The following DCC variants were observed in gnomAD, a reference collection of about 807,000 sequenced individuals.
DCC encodes netrin receptor DCC.
DCC carries 58 observed loss-of-function variants against 172.5 expected under a neutral mutation model. The observed-to-expected ratio is 0.34, with a 90% CI of 0.27 to 0.42. The LOEUF (loss-of-function observed/expected upper bound fraction) is 0.42. DCC is among the 10% of genes least tolerant of loss of function. The pLI is 1.00. For synonymous variants in DCC, 709 were observed against 644.5 expected, an observed-to-expected ratio of 1.10 and a Z score of -1.52; for missense variants, 1,740 against 1,791.0, an observed-to-expected ratio of 0.97 and a Z score of 0.51.
chr18:52,902,772 T>C (rs2039828404), intron 2 of DCC, among the ~76,000 whole-genome samples: 1 of 152,186 alleles, frequency 6.6e-6, no homozygotes. Context: ...AGTCAAGCCT[T>C]ATAGAGCCTT....
At chr18:53,187,969 A>G (rs1321209161) in intron 9 of DCC, among the ~76,000 whole-genome samples, 5 of 152,190 alleles carry the variant, frequency 3.3e-5, no homozygotes, top group Admixed American at 2.0e-4. Flanking sequence ...GAAGGAAATG[A>G]CCACAGATTT....
At chr18:53,468,486 G>A (rs2036411) in intron 25 of DCC, among the ~76,000 whole-genome samples, 4,978 of 151,726 alleles carry the variant, frequency 0.033, 289 homozygotes, top group African/African-American at 0.11. Context: ...AGGTTCAAGC[G>A]ATTCTCATGC....
chr18:53,320,266 G>A (rs1054389386), intron 13 of DCC, among the ~76,000 whole-genome samples: 8 of 151,858 alleles, frequency 5.3e-5, no homozygotes, highest in Admixed American at 2.6e-4. Context: ...TAGAGACGGG[G>A]TTCCACCGTG....
At chr18:53,035,568 T>C (rs929150082) in intron 5 of DCC, among the ~76,000 whole-genome samples, 2 of 152,098 alleles carry the variant, frequency 1.3e-5, no homozygotes, top group African/African-American at 4.8e-5. Context: ...ATGTGAAAAC[T>C]TAATAATATT....
intron 10 of DCC, among the ~76,000 whole-genome samples, chr18:53,206,796 CTTA>C (rs1484869018): frequency 6.6e-6 from 1 of 151,080 alleles, no homozygotes; most frequent in Non-Finnish European, 1.5e-5. Flanking sequence ...TATGGGAGTT[CTTA>C]TTATTTGTTG....
At chr18:52,481,174 A>G (rs1223106667) in intron 1 of DCC, among the ~76,000 whole-genome samples, 1 of 152,142 alleles carries the variant, frequency 6.6e-6, no homozygotes, top group African/African-American at 2.4e-5. Flanking sequence ...AATTTCTTCA[A>G]ATTCTTAAAC....
At position 52,836,606 on chromosome 18, in the gene DCC, T is replaced by G. The variant is rs1187709643; in HGVS notation, c.413-69438T>G. Among the ~76,000 whole-genome samples the G allele has an allele frequency of 2.0e-5, 3 of 152,236 alleles. No individual in the cohort carries two copies. The East Asian group carries it at 5.8e-4, about 29-fold the overall frequency. Reference sequence around the variant, plus strand: ...CAGAATGATCTCCTTTGACTCCATGTCTCACGTGCAGGTCTTGCTGATGCA... The same window carrying G: ...CAGAATGATCTCCTTTGACTCCATGGCTCACGTGCAGGTCTTGCTGATGCA... On this transcript the variant is annotated intron_variant, in intron 2 of 28. Coordinates refer to ENST00000442544, the MANE Select transcript of DCC (RefSeq NM_005215.4).
At chr18:52,751,250 A>G (rs767355857) in intron 1 of DCC, among the ~76,000 whole-genome samples, 2 of 152,232 alleles carry the variant, frequency 1.3e-5, no homozygotes, top group South Asian at 2.1e-4. Flanking sequence ...TTGACTCAAC[A>G]TGTGAGTATT....
chr18:53,501,186 T>A (rs562465847), intron 27 of DCC, among the ~76,000 whole-genome samples: 1 of 152,336 alleles, frequency 6.6e-6, no homozygotes, highest in South Asian at 2.1e-4. Flanking sequence ...TTAATGCACC[T>A]GCCTATAGGA....
chr18:53,328,891 G>A (rs945157374), intron 14 of DCC, among the ~76,000 whole-genome samples: 1 of 152,122 alleles, frequency 6.6e-6, no homozygotes, highest in Admixed American at 6.6e-5. Flanking sequence ...CTTTCTGACA[G>A]TAATATGAAA....
intron 2 of DCC, among the ~76,000 whole-genome samples, chr18:52,835,430 C>T (rs946997752): frequency 2.0e-5 from 3 of 152,100 alleles, no homozygotes; most frequent in African/African-American, 7.2e-5. Flanking sequence ...TGCTGATAGA[C>T]ATTTGTTTTG....
At chr18:53,046,519 C>A (rs537402627) in intron 5 of DCC, among the ~76,000 whole-genome samples, 2 of 150,442 alleles carry the variant, frequency 1.3e-5, no homozygotes, top group South Asian at 2.1e-4. Flanking sequence ...TTTTTAGCAG[C>A]AGAAAATGTT....
At chr18:53,111,621 C>T (rs962318654) in intron 7 of DCC, among the ~76,000 whole-genome samples, 2 of 151,376 alleles carry the variant, frequency 1.3e-5, no homozygotes, top group Middle Eastern at 6.8e-3. Context: ...GTTTAAATTG[C>T]TTTAAAAGAG....
At chr18:53,035,116 A>G (rs561874021) in intron 5 of DCC, among the ~76,000 whole-genome samples, 154 of 152,114 alleles carry the variant, frequency 1.0e-3, no homozygotes, top group African/African-American at 3.3e-3. Context: ...ATATGTAATG[A>G]TCAAGTCAGG....
At chr18:52,414,446 C>T (rs1324735384) in intron 1 of DCC, among the ~76,000 whole-genome samples, 2 of 152,140 alleles carry the variant, frequency 1.3e-5, no homozygotes, top group Admixed American at 1.3e-4. Flanking sequence ...TGCTCCCCAT[C>T]TGATTGACTT....
intron 2 of DCC, among the ~76,000 whole-genome samples, chr18:52,879,412 C>CTTTTTTTTTTGTTTTTTTTTTTTTTTTTT (rs2039448821): frequency 1.6e-5 from 1 of 62,356 alleles, no homozygotes; most frequent in Non-Finnish European, 2.9e-5. Context: ...TGTTGTTTGG[C>CTTTTTTTTTTGTTTTTTTTTTTTTTTTTT]TTTTTTTTTT....
intron 15 of DCC, among the ~76,000 whole-genome samples, chr18:53,353,818 G>A (rs952162779): frequency 6.6e-6 from 1 of 151,602 alleles, no homozygotes; most frequent in Non-Finnish European, 1.5e-5. Context: ...TGTGCACAAC[G>A]TGCAGGTTTG....
intron 5 of DCC, among the ~76,000 whole-genome samples, chr18:52,995,128 A>C (rs56019588): frequency 0.059 from 9,006 of 152,186 alleles, 494 homozygotes; most frequent in East Asian, 0.21. Context: ...AATTAACATG[A>C]ATTTAATAGG....
chr18:52,753,621 T>C (rs957857341), intron 2 of DCC, among the ~76,000 whole-genome samples: 1 of 152,216 alleles, frequency 6.6e-6, no homozygotes, highest in African/African-American at 2.4e-5. Context: ...AAATTCCTTC[T>C]AGTGCTTCCA....
Sources: allele counts gnomAD v4.1 joint callset (sites outside exome capture counted in the v4.1 genomes callset), GRCh38; gene constraint gnomAD v4.1.1; transcripts MANE v1.5; gene names NCBI Gene and HGNC (gene_info 2026-07-23, HGNC 2026-07-21).